Variants in MUC5B observed in about 807,000 individuals in gnomAD.
MUC5B encodes the protein mucin-5B.
MUC5B carries 116 observed loss-of-function variants against 376.9 expected under a neutral mutation model. The observed-to-expected ratio is 0.31, with a 90% confidence interval of 0.26 to 0.36. The LOEUF (loss-of-function observed/expected upper bound fraction) is 0.36. Ranked by LOEUF, MUC5B falls within the 10% of genes least tolerant of loss-of-function variation. The pLI is 1.00. For missense variants in MUC5B, 7,165 were observed against 7,769.9 expected (o/e 0.92, Z 2.93); for synonymous variants, 3,517 against 3,390.9 (o/e 1.04, Z -1.29).
chr11:1,260,821 A>G, intron 48 of MUC5B, 93 bp downstream of exon 48: 1 of 924,766 alleles, frequency 1.1e-6, no homozygotes, highest in Non-Finnish European at 1.7e-6. Context: ...CTGGGTCAGG[A>G]GGGCCTACGC....
rs373667069 is a variant in MUC5B at position 1,242,633 on chromosome 11, C to A, written c.5753C>A (p.Ala1918Glu). 2.5e-6 allele frequency: 4 copies of A among 1,613,780 alleles called. No individual in the cohort carries two copies. The highest frequency in any genetic ancestry group is 2.5e-6 in the Non-Finnish European group (3 of 1,179,810). ...CCGACCACAACAGCCACTACGACTG[C>A]GTCCACTGGATCCACGGCCACCCCG... ...TKPTTTATTT[A>E]STGSTATPTS... Residue 1918 changes from alanine (A) to glutamate (E), a missense_variant, in exon 31 of 49, where the codon GCG (alanine) becomes GAG (glutamate). This residue lies in a region of MUC5B where 897 missense variants were observed against 779.6 expected (regional missense o/e 1.15). Coordinates refer to ENST00000529681, the MANE Select transcript of MUC5B (RefSeq NM_002458.3).
Position 1,256,668 on chromosome 11 carries a change from C to A in MUC5B, c.16137-3C>A. 18 of 1,559,426 alleles carry A rather than the reference C, an allele frequency of 1.2e-5. No individual in the cohort carries two copies. Among genetic ancestry groups the A allele is most frequent in the Non-Finnish European group, 1.5e-5 (17 of 1,153,762 alleles). ...TCTCAGGGCCTCTCTTGTCATCCTGCAGGAACCAGAGCCCACAGCTGGAGG... is the reference window on the plus strand; with the variant it reads ...TCTCAGGGCCTCTCTTGTCATCCTGAAGGAACCAGAGCCCACAGCTGGAGG... On this transcript the variant is annotated splice_polypyrimidine_tract_variant and splice_region_variant and intron_variant, in intron 38 of 48. Transcript: ENST00000529681.
chr11:1,234,767 AG>A lies in MUC5B; in HGVS notation c.2630+92del. The A allele has an allele frequency of 2.0e-5, 1 of 49,672 alleles. No homozygotes were observed. Among genetic ancestry groups the A allele is most frequent in the Admixed American group, 4.4e-4 (1 of 2,272 alleles). 3.1% of individuals were successfully genotyped at this position (49,672 alleles called of 1,614,324 possible). ...TGGGGAGGCAGCGGGCAGGGAGGGCAGGGGGCGGGGAGGGCAGGGGGCCAGC... is the reference window on the plus strand; with the variant it reads ...TGGGGAGGCAGCGGGCAGGGAGGGCAGGGGCGGGGAGGGCAGGGGGCCAGC... On this transcript the variant is annotated intron_variant, in intron 21 of 48. Coordinates refer to ENST00000529681, the MANE Select transcript of MUC5B (RefSeq NM_002458.3). The surrounding 1 kb of genome is among the most constrained non-coding windows in gnomAD (Gnocchi z 6.3).
In MUC5B at chr11:1,261,634, T is replaced by G. The variant is rs2133857823; in HGVS notation, c.*26T>G. ...GAACGTTCTGCCTCCATCCCCATGCTCTGTCCACCTGGAGCCAGGATGTGC... is the reference window on the plus strand; with the variant it reads ...GAACGTTCTGCCTCCATCCCCATGCGCTGTCCACCTGGAGCCAGGATGTGC... On this transcript the variant is annotated 3_prime_UTR_variant, in exon 49 of 49. Coordinates refer to ENST00000529681, the MANE Select transcript of MUC5B (RefSeq NM_002458.3). 6.4e-7 allele frequency: 1 copy of G among 1,572,306 alleles called. No individual in the cohort carries two copies. The highest frequency in any genetic ancestry group is 2.3e-5 in the East Asian group (1 of 43,086).
chr11:1,242,112 C>T lies in MUC5B; in HGVS notation c.5232C>T (p.Ser1744=). Reference sequence around the variant, plus strand: ...CTTCCAAAGAGCCGCTGACCACGAGCCTGGCGCCAACACTCACGAGCGAGC... The same window carrying T: ...CTTCCAAAGAGCCGCTGACCACGAGTCTGGCGCCAACACTCACGAGCGAGC... ...STASKEPLTT[S]LAPTLTSELS... Residue 1744 remains serine, a synonymous_variant, in exon 31 of 49, where the codon AGC becomes AGT. Transcript: ENST00000529681. 2 of 1,613,346 alleles carry T rather than the reference C, an allele frequency of 1.2e-6. No individual in the cohort carries two copies. The highest frequency in any genetic ancestry group is 2.2e-5 in the South Asian group (2 of 91,052).
chr11:1,261,825 C>A lies in MUC5B; in HGVS notation c.*217C>A, dbSNP rs754183818. 2.9e-6 allele frequency: 2 copies of A among 699,548 alleles called. No homozygotes were observed. Among genetic ancestry groups the A allele is most frequent in the Non-Finnish European group, 5.2e-6 (2 of 384,338 alleles). 43.3% of individuals were successfully genotyped at this position (699,548 alleles called of 1,614,324 possible). The stretch of plus-strand genomic sequence containing the variant: ...GGGAGGGCGCCACTCAGGAGTCCTA[C>A]CCTGGGAGAGCCTGTGGCCCACCTT... On this transcript the variant is annotated 3_prime_UTR_variant, in exon 49 of 49. Coordinates refer to ENST00000529681, the MANE Select transcript of MUC5B (RefSeq NM_002458.3).
Position 1,243,781 on chromosome 11 carries a change from C to G in MUC5B, c.6901C>G (p.Pro2301Ala), listed in dbSNP as rs1862367721. The change falls in exon 31 of 49, where the codon CCC becomes GCC. Residue 2301 changes from proline to alanine, a missense_variant. Physicochemically the swap from Pro to Ala is conservative, Grantham distance 27 (BLOSUM62 -1). Around this residue, in one of 31 missense-constraint regions of MUC5B, gnomAD observed 26 missense variants for 36.2 expected, o/e 0.72. Transcript: ENST00000529681. ...TRTSTLLPSS[P>A]TSAPITTVVT... ...CACCTCGACCCTGCTGCCCAGCAGC[C>G]CCACATCGGCCCCCATAACCACGGT... The G allele has an allele frequency of 3.7e-6, 6 of 1,611,726 alleles. No homozygotes were observed. Among genetic ancestry groups the G allele is most frequent in the Non-Finnish European group, 5.1e-6 (6 of 1,179,646 alleles).
At chr11:1,223,545 G>A (rs765403883) in intron 1 of MUC5B, 14 of 406,356 alleles carry the variant, frequency 3.4e-5, no homozygotes, top group Non-Finnish European at 5.6e-5. Context: ...GGAGCCCCAT[G>A]AGGCCCAGGC....
At position 1,234,536 on chromosome 11, in the gene MUC5B, C is replaced by T. The variant is rs772036907; in HGVS notation, c.2486C>T (p.Thr829Ile). The T allele has an allele frequency of 5.1e-6, 8 of 1,580,226 alleles. No individual in the cohort carries two copies. The highest frequency in any genetic ancestry group is 5.2e-6 in the Non-Finnish European group (6 of 1,163,960). ...CCTGCCTGGGCCCCACAGTTCAGCACACACTGCGTGTCCGGCTGTGTCTGT... is the reference window on the plus strand; with the variant it reads ...CCTGCCTGGGCCCCACAGTTCAGCATACACTGCGTGTCCGGCTGTGTCTGT... ...CHTLDVGCFS[T>I]HCVSGCVCPP... Residue 829 changes from threonine (T) to isoleucine (I), a missense_variant, in exon 21 of 49, where the codon ACA becomes ATA. By Grantham distance (89) the Thr-to-Ile change is moderately conservative. Coordinates refer to ENST00000529681, the MANE Select transcript of MUC5B (RefSeq NM_002458.3). This position sits in a 1 kb window ranked among gnomAD's most constrained non-coding sequence, Gnocchi z 6.3.
rs200680424 is a variant in MUC5B at position 1,246,877 on chromosome 11, T to A, written c.9997T>A (p.Trp3333Arg). The A allele has an allele frequency of 1.1e-5, 17 of 1,599,530 alleles. No individual in the cohort carries two copies. The highest frequency in any genetic ancestry group is 1.4e-5 in the African/African-American group (1 of 73,930). The change falls in exon 31 of 49, where the codon TGG (tryptophan) becomes AGG (arginine). Residue 3333 changes from tryptophan to arginine, a missense_variant. By Grantham distance (101) the Trp-to-Arg change is moderately radical. This residue lies in a region of MUC5B where 939 missense variants were observed against 770.6 expected (regional missense o/e 1.22). Transcript: ENST00000529681. ...SPGTALTPPV[W>R]ISTTTTPTTR... ...AGGGACGGCACTCACGCCTCCAGTG[T>A]GGATCAGCACAACCACCACACCCAC... is the stretch of plus-strand genomic sequence containing the variant.
At chr11:1,239,738 G>A in intron 27 of MUC5B, 61 bp from the exon 28 acceptor site, 1 of 1,543,852 alleles carries the variant, frequency 6.5e-7, no homozygotes, top group South Asian at 1.2e-5. Flanking sequence ...GCAGCATGGA[G>A]CCCCTGGCTG....
At chr11:1,224,767 T>C (rs1227493337) in intron 1 of MUC5B, among the ~76,000 whole-genome samples, 2 of 152,020 alleles carry the variant, frequency 1.3e-5, no homozygotes, top group Non-Finnish European at 2.9e-5. Context: ...TTCCCAGATG[T>C]CAGCAGGACC....
chr11:1,242,978 C>T lies in MUC5B; in HGVS notation c.6098C>T (p.Thr2033Ile), dbSNP rs750952519. The T allele has an allele frequency of 6.2e-7, 1 of 1,613,322 alleles. No homozygotes were observed. The highest frequency in any genetic ancestry group is 8.5e-7 in the Non-Finnish European group (1 of 1,179,448). Residue 2033 changes from threonine to isoleucine, a missense_variant, in exon 31 of 49, where the codon ACC becomes ATC. This residue lies in a region of MUC5B where 897 missense variants were observed against 779.6 expected (regional missense o/e 1.15). Coordinates refer to ENST00000529681, the MANE Select transcript of MUC5B (RefSeq NM_002458.3). ...LTATATTTGA[T>I]GSVATPSSTP... ...GCCACGGCCACCACAACTGGGGCCA[C>T]CGGCTCTGTGGCCACCCCCTCCTCC...
rs2133841531 is a variant in MUC5B at position 1,250,025 on chromosome 11, C to A, written c.13145C>A (p.Pro4382His). 1 of 1,613,294 alleles carries A rather than the reference C, an allele frequency of 6.2e-7. No individual in the cohort carries two copies. Among genetic ancestry groups the A allele is most frequent in the Non-Finnish European group, 8.5e-7 (1 of 1,179,694 alleles). The change falls in exon 31 of 49, where the codon CCC (proline) becomes CAC (histidine). Residue 4382 changes from proline to histidine, a missense_variant. Pro to His is a moderately conservative substitution (Grantham distance 77, BLOSUM62 -2). This residue lies in a region of MUC5B where 431 missense variants were observed against 390.4 expected (regional missense o/e 1.10). Transcript: ENST00000529681. ...AGGGCCACCAGTTCCACGTCCACCC[C>A]CTCCTCCACTCCGGGGACGACCTGG... ...TTRATSSTST[P>H]SSTPGTTWIL...
chr11:1,237,582 T>A (rs931271544), intron 25 of MUC5B, among the ~76,000 whole-genome samples: 5 of 152,148 alleles, frequency 3.3e-5, no homozygotes, highest in African/African-American at 1.2e-4. Flanking sequence ...CAAAAAGCAG[T>A]TTCCTGACTG....
At chr11:1,252,073 C>T (rs540229472) in intron 31 of MUC5B, among the ~76,000 whole-genome samples, 21 of 151,972 alleles carry the variant, frequency 1.4e-4, no homozygotes, top group African/African-American at 2.2e-4. Context: ...ACAATCCGTC[C>T]GCACTGGCCA....
chr11:1,244,089 A>G lies in MUC5B; in HGVS notation c.7209A>G (p.Glu2403=), dbSNP rs575211758. 179 of 1,569,800 alleles carry G rather than the reference A, an allele frequency of 1.1e-4. No homozygotes were observed. In the East Asian group the frequency reaches 3.4e-3, roughly 30 times the overall value. ...VGKFKMCFNY[E]IRVFCCNYGH... is the part of the protein sequence containing the mutation. ...AGTTCAAGATGTGCTTCAACTATGA[A>G]ATCCGTGTGTTCTGCTGCAACTACG... Residue 2403 remains glutamate (E), a synonymous_variant, in exon 31 of 49, where the codon GAA becomes GAG. Coordinates refer to ENST00000529681, the MANE Select transcript of MUC5B (RefSeq NM_002458.3).
At position 1,247,001 on chromosome 11, in the gene MUC5B, T is replaced by A. The variant is rs1300318151; in HGVS notation, c.10121T>A (p.Met3374Lys). 1 of 1,556,318 alleles carries A rather than the reference T, an allele frequency of 6.4e-7. No individual in the cohort carries two copies. Among genetic ancestry groups the A allele is most frequent in the Non-Finnish European group, 8.7e-7 (1 of 1,150,672 alleles). ...TTTTTVATGS[M>K]ATPSSSTQTS... ...ACCACAACTGTGGCCACTGGTTCTA[T>A]GGCAACACCCTCCTCTAGCACACAG... The change falls in exon 31 of 49, where the codon ATG becomes AAG. Residue 3374 changes from methionine (M) to lysine (K), a missense_variant. Around this residue, in one of 31 missense-constraint regions of MUC5B, gnomAD observed 939 missense variants for 770.6 expected, o/e 1.22. Coordinates refer to ENST00000529681, the MANE Select transcript of MUC5B (RefSeq NM_002458.3).
At position 1,236,869 on chromosome 11, in the gene MUC5B, C is replaced by T; in HGVS notation, c.3058-56C>T. 2.9e-6 allele frequency: 4 copies of T among 1,398,486 alleles called. No homozygotes were observed. In the South Asian group the frequency reaches 5.1e-5, roughly 18 times the overall value. The allele number at this position is 1,398,486 out of a possible 1,614,324, so 86.6% of individuals were successfully genotyped here. Reference sequence around the variant, plus strand: ...GCCCAGGGTGGGCTCTGTGCTGCCTCCCACGGGTGCCTGTGGCCCCAGCTC... The same window carrying T: ...GCCCAGGGTGGGCTCTGTGCTGCCTTCCACGGGTGCCTGTGGCCCCAGCTC... On this transcript the variant is annotated intron_variant, in intron 24 of 48. Coordinates refer to ENST00000529681, the MANE Select transcript of MUC5B (RefSeq NM_002458.3).
Sources: allele counts gnomAD v4.1 joint callset (sites outside exome capture counted in the v4.1 genomes callset), GRCh38; gene constraint gnomAD v4.1.1; regional missense constraint gnomAD v4.1.1; non-coding constraint Gnocchi (gnomAD v3.1); transcripts MANE v1.5; gene names NCBI Gene and HGNC (gene_info 2026-07-23, HGNC 2026-07-21).